The following KLF13 variants were observed in gnomAD, a reference collection of about 807,000 sequenced individuals.
KLF13 encodes the protein Krueppel-like factor 13.
Under a neutral mutation model 16.7 loss-of-function variants are expected in KLF13, and 8 were observed. That is an observed-to-expected ratio of 0.48 (90% CI 0.28 to 0.87). The LOEUF is 0.87. Among genes scored for constraint, KLF13 ranks in the 40% least tolerant of loss-of-function variants. The pLI, the probability that KLF13 is intolerant of heterozygous loss-of-function variation, is 0.10. For synonymous variants in KLF13, 245 were observed against 208.4 expected (o/e 1.18, Z -1.51); for missense variants, 447 against 452.2 (o/e 0.99, Z 0.10).
intron 1 of KLF13, among the ~76,000 whole-genome samples, chr15:31,418,894 G>C (rs1031491313): frequency 3.9e-5 from 6 of 152,156 alleles, no homozygotes; most frequent in African/African-American, 1.4e-4. Flanking sequence ...AAGATCCCTT[G>C]TGCTCAGGAG....
At chr15:31,351,496 G>C (rs929217591) in intron 1 of KLF13, among the ~76,000 whole-genome samples, 3 of 152,122 alleles carry the variant, frequency 2.0e-5, no homozygotes, top group African/African-American at 4.8e-5. Flanking sequence ...GTGTGCGCTT[G>C]TCTTGCACTG....
chr15:31,394,392 C>G (rs1176905600), intron 2 of KLF13, among the ~76,000 whole-genome samples: 2 of 151,452 alleles, frequency 1.3e-5, no homozygotes, highest in Non-Finnish European at 1.5e-5. Context: ...GAGGCTGAGG[C>G]GACAGAATGG....
At chr15:31,429,604 C>T (rs2040444562) in intron 1 of KLF13, among the ~76,000 whole-genome samples, 1 of 151,280 alleles carries the variant, frequency 6.6e-6, no homozygotes, top group African/African-American at 2.4e-5. Context: ...TATATTTTAC[C>T]AGAATTAAAT....
chr15:31,383,868 C>T (rs1338246125), intron 1 of KLF13, among the ~76,000 whole-genome samples: 2 of 152,012 alleles, frequency 1.3e-5, no homozygotes, highest in Non-Finnish European at 2.9e-5. Flanking sequence ...CGCCACTGCA[C>T]TCCAGCCTGG....
At chr15:31,420,507 G>A in intron 1 of KLF13, 1 of 616,712 alleles carries the variant, frequency 1.6e-6, no homozygotes, top group Non-Finnish European at 3.0e-6. Context: ...GTACTGTATG[G>A]CATCAGGACC....
chr15:31,384,584 C>G (rs528563565), intron 1 of KLF13, among the ~76,000 whole-genome samples: 3 of 152,322 alleles, frequency 2.0e-5, no homozygotes, highest in African/African-American at 7.2e-5. Flanking sequence ...CTCACAATAG[C>G]ACTTTTGTGA....
chr15:31,397,382 T>C (rs2039968259), intron 2 of KLF13, among the ~76,000 whole-genome samples: 1 of 152,246 alleles, frequency 6.6e-6, no homozygotes, highest in Non-Finnish European at 1.5e-5. Flanking sequence ...ACCCCGCCCA[T>C]TGCCGACCAT....
chr15:31,350,935 TG>T (rs1268634764), intron 1 of KLF13, among the ~76,000 whole-genome samples: 1 of 152,202 alleles, frequency 6.6e-6, no homozygotes, highest in African/African-American at 2.4e-5. Context: ...TGTAAGAACA[TG>T]ATGATGACAG....
chr15:31,399,255 C>T (rs1000256422), intron 2 of KLF13, among the ~76,000 whole-genome samples: 1 of 152,186 alleles, frequency 6.6e-6, no homozygotes, highest in African/African-American at 2.4e-5. Context: ...AATCTTGGCT[C>T]ACTGCAACCT....
chr15:31,423,163 A>ACG lies in KLF13; in HGVS notation n.118-12207_118-12206insCG, dbSNP rs373134448. ...CGTATACGTATATATACGTATATAT[A>ACG]TGTATATATATACATATATACGTAT... On this transcript the variant is annotated intron_variant and non_coding_transcript_variant, in intron 1 of 1. Coordinates refer to the KLF13 transcript ENST00000558225. Among the ~76,000 whole-genome samples the ACG allele has an allele frequency of 1.1e-3, 127 of 118,054 alleles. 30 individuals carry two copies. The highest frequency in any genetic ancestry group is 3.7e-3 in the African/African-American group (81 of 21,702). 77.4% of individuals were successfully genotyped at this position (118,054 alleles called of 152,430 possible).
intron 1 of KLF13, among the ~76,000 whole-genome samples, chr15:31,366,947 G>C (rs1206259239): frequency 3.3e-5 from 5 of 152,264 alleles, no homozygotes; most frequent in African/African-American, 4.8e-5. Context: ...GATGCTACAG[G>C]ATGTGTGACA....
At chr15:31,433,097 T>C (rs561434523) in intron 1 of KLF13, among the ~76,000 whole-genome samples, 3 of 152,352 alleles carry the variant, frequency 2.0e-5, no homozygotes, top group African/African-American at 7.2e-5. Flanking sequence ...TTTTCTGAGA[T>C]ACAATGAAGC....
Position 31,428,216 on chromosome 15 carries a change from A to G in KLF13, n.118-7154A>G, listed in dbSNP as rs563803919. Among the ~76,000 whole-genome samples, 8 of 152,294 alleles carry G rather than the reference A, an allele frequency of 5.3e-5. No individual in the cohort carries two copies. In the East Asian group the frequency reaches 1.5e-3, roughly 29 times the overall value. ...TTGCCAGGACCTGGGAAGAGAGAGGAAAAGGATCATTGTTGTTCAGTGGGT... is the reference window on the plus strand; with the variant it reads ...TTGCCAGGACCTGGGAAGAGAGAGGGAAAGGATCATTGTTGTTCAGTGGGT... On this transcript the variant is annotated intron_variant and non_coding_transcript_variant, in intron 1 of 1. Transcript: ENST00000558225.
chr15:31,363,124 T>G (rs926865503), intron 1 of KLF13, among the ~76,000 whole-genome samples: 21 of 152,246 alleles, frequency 1.4e-4, no homozygotes, highest in African/African-American at 4.8e-4. Flanking sequence ...ATGGAGGTTG[T>G]AGCAGTTTGT....
upstream of KLF13, among the ~76,000 whole-genome samples, chr15:31,387,953 A>G (rs1020719215): frequency 2.0e-5 from 3 of 152,252 alleles, no homozygotes; most frequent in Non-Finnish European, 4.4e-5. Context: ...TGAGCCATCA[A>G]ACAGCATGGA....
upstream of KLF13, among the ~76,000 whole-genome samples, chr15:31,387,928 C>T (rs2039812021): frequency 1.3e-5 from 2 of 152,180 alleles, no homozygotes; most frequent in South Asian, 4.1e-4. Context: ...TGGAGCACAG[C>T]CACTGGCTTG....
intron 1 of KLF13, among the ~76,000 whole-genome samples, chr15:31,416,834 G>T (rs1371400694): frequency 1.3e-5 from 2 of 152,156 alleles, no homozygotes; most frequent in Admixed American, 1.3e-4. Context: ...TTGCATGTTT[G>T]CTTTGTCATG....
downstream of KLF13, chr15:31,377,933 T>A (rs528609366): frequency 4.6e-5 from 7 of 152,606 alleles, no homozygotes; most frequent in African/African-American, 1.7e-4. Context: ...AGAGCATGTC[T>A]TGCAGAGGCT....
At chr15:31,327,866 C>T in intron 1 of KLF13, 77 bp downstream of exon 1, 9 of 1,218,668 alleles carry the variant, frequency 7.4e-6, no homozygotes, top group African/African-American at 1.6e-5. Flanking sequence ...CCCGGAGTCC[C>T]CGATGGGGCG....
Sources: allele counts gnomAD v4.1 joint callset (sites outside exome capture counted in the v4.1 genomes callset), GRCh38; gene constraint gnomAD v4.1.1; transcripts MANE v1.5; gene names NCBI Gene and HGNC (gene_info 2026-07-23, HGNC 2026-07-21).